IL1RAPL1: variants seen among roughly 807,000 people sequenced by gnomAD.
IL1RAPL1 encodes interleukin 1 receptor accessory protein like 1.
A neutral mutation model predicts 48.4 loss-of-function variants in IL1RAPL1; 3 were observed. That is an observed-to-expected ratio of 0.06 (90% CI 0.03 to 0.16). The LOEUF (loss-of-function observed/expected upper bound fraction) is 0.16. Among genes scored for constraint, IL1RAPL1 ranks in the 10% least tolerant of loss-of-function variants. The probability of loss-of-function intolerance (pLI) is 1.00; values close to 1 mark genes in which losing one functional copy is unlikely to be tolerated. For missense variants in IL1RAPL1, 349 were observed against 530.6 expected, an observed-to-expected ratio of 0.66 and a Z score of 3.36; for synonymous variants, 185 against 187.7, an observed-to-expected ratio of 0.99 and a Z score of 0.12.
At chrX:29,024,363 C>G in intron 2 of IL1RAPL1, among the ~76,000 whole-genome samples, 1 of 111,585 alleles carries the variant, frequency 9.0e-6, no homozygotes. Context: ...ACAGGTAATT[C>G]TTTTATAAGG....
intron 5 of IL1RAPL1, among the ~76,000 whole-genome samples, chrX:29,431,485 T>C (rs1355605377): frequency 1.8e-5 from 2 of 111,965 alleles, no homozygotes; most frequent in Non-Finnish European, 3.8e-5. Context: ...TGCTTGGTGA[T>C]GAACACACTA....
intron 2 of IL1RAPL1, among the ~76,000 whole-genome samples, chrX:29,201,748 A>G (rs1169455299): frequency 1.8e-5 from 2 of 109,361 alleles, no homozygotes; most frequent in African/African-American, 6.7e-5. Context: ...CTAGAGTGCA[A>G]TGGCACGCTC....
Position 29,935,148 on chromosome X carries a change from G to T in IL1RAPL1, c.1058-6503G>T, listed in dbSNP as rs192434628. On this transcript the variant is annotated intron_variant, in intron 8 of 10. Transcript: ENST00000378993. ...TATAATACTACTTAAATGATATTGT[G>T]CCCTCTTATTGCAGTACACCGGGGG... is the stretch of plus-strand genomic sequence containing the variant. Among the ~76,000 whole-genome samples the T allele has an allele frequency of 1.8e-3, 200 of 109,661 alleles. 3 individuals are homozygous for T. Among genetic ancestry groups the T allele is most frequent in the Admixed American group, 0.014 (145 of 10,281 alleles).
chrX:29,808,523 T>A (rs1485198568), intron 6 of IL1RAPL1, among the ~76,000 whole-genome samples: 1 of 111,489 alleles, frequency 9.0e-6, no homozygotes, highest in Non-Finnish European at 1.9e-5. Context: ...ATTCTGAAAT[T>A]GTTGGGTACA....
At chrX:28,768,713 C>CTG (rs1569168406) in intron 1 of IL1RAPL1, among the ~76,000 whole-genome samples, 6 of 58,095 alleles carry the variant, frequency 1.0e-4, no homozygotes, top group South Asian at 9.8e-4. Flanking sequence ...TTCTCTCTCT[C>CTG]TCTCTCTCTC....
At chrX:29,079,038 T>G (rs1927744507) in intron 2 of IL1RAPL1, among the ~76,000 whole-genome samples, 1 of 112,473 alleles carries the variant, frequency 8.9e-6, no homozygotes, top group South Asian at 3.7e-4. Flanking sequence ...AAAGTACTGC[T>G]GTAGCACAGA....
intron 5 of IL1RAPL1, among the ~76,000 whole-genome samples, chrX:29,462,878 A>T (rs1337294286): frequency 9.0e-6 from 1 of 111,645 alleles, no homozygotes; most frequent in Non-Finnish European, 1.9e-5. Flanking sequence ...GGGTAACTGA[A>T]AGGTCTTTCC....
At chrX:29,684,548 C>T (rs1310825630) in intron 6 of IL1RAPL1, among the ~76,000 whole-genome samples, 2 of 111,027 alleles carry the variant, frequency 1.8e-5, no homozygotes, top group Non-Finnish European at 3.8e-5. Context: ...TTTTTCTATT[C>T]AGTTGCATGT....
At chrX:29,812,252 G>T (rs919275350) in intron 6 of IL1RAPL1, among the ~76,000 whole-genome samples, 3 of 112,149 alleles carry the variant, frequency 2.7e-5, no homozygotes, top group African/African-American at 9.7e-5. Context: ...TAAGCCAAAT[G>T]ATTAATGACT....
intron 2 of IL1RAPL1, among the ~76,000 whole-genome samples, chrX:28,958,010 A>G (rs748896904): frequency 1.2e-4 from 13 of 111,339 alleles, no homozygotes; most frequent in African/African-American, 1.6e-4. Context: ...ATTGATAAAT[A>G]TTGTATATAT....
intron 6 of IL1RAPL1, among the ~76,000 whole-genome samples, chrX:29,845,864 G>A (rs751285675): frequency 9.0e-6 from 1 of 110,833 alleles, no homozygotes; most frequent in South Asian, 3.9e-4. Context: ...GCGTAACTTG[G>A]CAGAAACAGC....
chrX:29,185,807 C>A, intron 2 of IL1RAPL1, among the ~76,000 whole-genome samples: 1 of 109,205 alleles, frequency 9.2e-6, no homozygotes, highest in African/African-American at 3.3e-5. Flanking sequence ...GCAGAAATGA[C>A]ATTTTTAGCT....
intron 2 of IL1RAPL1, among the ~76,000 whole-genome samples, chrX:28,915,533 C>T (rs753733775): frequency 1.8e-5 from 2 of 111,524 alleles, no homozygotes; most frequent in Admixed American, 9.5e-5. Context: ...ACATACTTTA[C>T]ATGTATGGGT....
At chrX:29,039,785 CAAAAAAA>C (rs35505034) in intron 2 of IL1RAPL1, among the ~76,000 whole-genome samples, 1 of 61,906 alleles carries the variant, frequency 1.6e-5, no homozygotes, top group Non-Finnish European at 3.1e-5. Context: ...TAACAATCCT[CAAAAAAA>C]AAAAAAAAAA....
At chrX:29,268,663 T>G (rs1931993939) in intron 2 of IL1RAPL1, among the ~76,000 whole-genome samples, 1 of 112,049 alleles carries the variant, frequency 8.9e-6, no homozygotes, top group East Asian at 2.8e-4. Flanking sequence ...ACATCCATCT[T>G]CCTCATGACA....
chrX:29,688,972 A>T (rs746624811), intron 6 of IL1RAPL1, among the ~76,000 whole-genome samples: 2 of 111,587 alleles, frequency 1.8e-5, no homozygotes, highest in South Asian at 7.6e-4. Flanking sequence ...CCAGCAAGAA[A>T]AAACAAGATA....
chrX:29,475,649 G>A (rs1017221276), intron 5 of IL1RAPL1, among the ~76,000 whole-genome samples: 4 of 111,461 alleles, frequency 3.6e-5, no homozygotes, highest in African/African-American at 1.3e-4. Flanking sequence ...TTAAAATATT[G>A]ACATTGTTTC....
At chrX:29,686,701 G>A (rs1926632624) in intron 6 of IL1RAPL1, among the ~76,000 whole-genome samples, 1 of 108,934 alleles carries the variant, frequency 9.2e-6, no homozygotes, top group African/African-American at 3.3e-5. Context: ...GGGACTACAG[G>A]CGCCCGCCAC....
At chrX:29,580,347 C>G (rs1489310687) in intron 5 of IL1RAPL1, among the ~76,000 whole-genome samples, 1 of 111,394 alleles carries the variant, frequency 9.0e-6, no homozygotes, top group East Asian at 2.8e-4. Flanking sequence ...CTCTCTCTCA[C>G]TAACTTGAAT....
Sources: allele counts gnomAD v4.1 joint callset (sites outside exome capture counted in the v4.1 genomes callset), GRCh38; gene constraint gnomAD v4.1.1; transcripts MANE v1.5; gene names NCBI Gene and HGNC (gene_info 2026-07-23, HGNC 2026-07-21).